APLP2: variants seen among roughly 807,000 people sequenced by gnomAD.
APLP2 encodes the protein amyloid beta precursor like protein 2, also known as CDEI box-binding protein.
APLP2 carries 53 observed loss-of-function variants against 89.9 expected under a neutral mutation model. The observed-to-expected ratio is 0.59, with a 90% CI of 0.47 to 0.74. The LOEUF is 0.74. Ranked by LOEUF, APLP2 falls within the 30% of genes least tolerant of loss-of-function variation. The probability of loss-of-function intolerance (pLI) is 0.00; values close to 1 mark genes in which losing one functional copy is unlikely to be tolerated. For missense variants in APLP2, 973 were observed against 975.9 expected, an observed-to-expected ratio of 1.00 and a Z score of 0.04; for synonymous variants, 372 against 348.6, an observed-to-expected ratio of 1.07 and a Z score of -0.75.
intron 13 of APLP2, among the ~76,000 whole-genome samples, chr11:130,138,463 GTTATGAGTTGGGACAATTTAAACA>G (rs933819450): frequency 6.6e-6 from 1 of 151,728 alleles, no homozygotes; most frequent in African/African-American, 2.4e-5. Flanking sequence ...GTACTGAACT[GTTATGAGTTGGGACAATTTAAACA>G]TTAACTTTGG....
At chr11:130,135,909 AT>A (rs1288487697) in intron 13 of APLP2, among the ~76,000 whole-genome samples, 194 bp downstream of exon 13, 2 of 152,174 alleles carry the variant, frequency 1.3e-5, no homozygotes, top group Admixed American at 1.3e-4. Flanking sequence ...ATTGGTGTCA[AT>A]GTCACCATGA....
intron 1 of APLP2, among the ~76,000 whole-genome samples, chr11:130,087,485 C>T (rs1025032682): frequency 6.6e-6 from 1 of 152,160 alleles, no homozygotes; most frequent in Admixed American, 6.5e-5. Context: ...GTGGTCTCTT[C>T]GAGGGGGCTG....
chr11:130,100,030 GA>G (rs1946699764), intron 1 of APLP2, among the ~76,000 whole-genome samples: 1 of 152,266 alleles, frequency 6.6e-6, no homozygotes, highest in Non-Finnish European at 1.5e-5. Context: ...CCCAATGCTT[GA>G]AGAGCGCTTC....
At position 130,135,624 on chromosome 11, in the gene APLP2, C is replaced by A. The variant is rs1951478523; in HGVS notation, c.1746C>A (p.Thr582=). The A allele has an allele frequency of 6.2e-7, 1 of 1,614,116 alleles. No individual in the cohort carries two copies. Among genetic ancestry groups the A allele is most frequent in the African/African-American group, 1.3e-5 (1 of 75,030 alleles). ...MDQFTASISE[T]PVDVRVSSEE... ...AGTTCACTGCCTCAATCTCAGAGAC[C>A]CCTGTGGACGTCCGGGTGAGCTCTG... is the stretch of plus-strand genomic sequence containing the variant. Residue 582 remains threonine (T), a synonymous_variant, in exon 13 of 17, where the codon ACC becomes ACA. Coordinates refer to ENST00000338167, the MANE Select transcript of APLP2 (RefSeq NM_001142276.2).
Position 130,141,821 on chromosome 11 carries a change from G to A in APLP2, c.1999-98G>A. On this transcript the variant is annotated intron_variant, in intron 15 of 16. Transcript: ENST00000338167. This position sits in a 1 kb window ranked among gnomAD's most constrained non-coding sequence, Gnocchi z 4.2. ...TCTTGGTGCTACTTTGGGTTTTAGG[G>A]GCTCGACCTTCCAGGAGCGTGGCCC... 1 of 1,455,890 alleles carries A rather than the reference G, an allele frequency of 6.9e-7. No homozygotes were observed. Among genetic ancestry groups the A allele is most frequent in the Non-Finnish European group, 9.3e-7 (1 of 1,073,480 alleles). The allele number at this position is 1,455,890 out of a possible 1,614,324, so 90.2% of individuals were successfully genotyped here.
intron 3 of APLP2, among the ~76,000 whole-genome samples, chr11:130,117,714 T>C (rs1359941293): frequency 6.6e-6 from 1 of 152,246 alleles, no homozygotes; most frequent in Non-Finnish European, 1.5e-5. Context: ...CCTGACCTTT[T>C]ACAGCTTGCT....
At chr11:130,122,127 T>C (rs1410860141) in intron 5 of APLP2, among the ~76,000 whole-genome samples, 178 bp from the exon 6 acceptor site, 5 of 152,246 alleles carry the variant, frequency 3.3e-5, no homozygotes, top group Admixed American at 6.5e-5. Flanking sequence ...ATTCAAATGT[T>C]CACAAATACT....
At chr11:130,080,910 G>A (rs1943036938) in intron 1 of APLP2, among the ~76,000 whole-genome samples, 1 of 151,410 alleles carries the variant, frequency 6.6e-6, no homozygotes, top group South Asian at 2.1e-4. Flanking sequence ...TGTTAGCCAG[G>A]ATGGTCTCAA....
chr11:130,089,550 G>A lies in APLP2; in HGVS notation c.105+19468G>A, dbSNP rs114404285. Among the ~76,000 whole-genome samples, 814 of 152,322 alleles carry A rather than the reference G, an allele frequency of 5.3e-3. 7 individuals carry two copies. Among genetic ancestry groups the A allele is most frequent in the African/African-American group, 0.019 (795 of 41,576 alleles). On this transcript the variant is annotated intron_variant, in intron 1 of 16. Coordinates refer to ENST00000338167, the MANE Select transcript of APLP2 (RefSeq NM_001142276.2). ...TTCTCTACATCTGGATCCTGTCTCA[G>A]AGTATATATGCTCCCTAAATACACA...
intron 13 of APLP2, among the ~76,000 whole-genome samples, chr11:130,136,948 A>T (rs562971966): frequency 1.3e-5 from 2 of 152,096 alleles, no homozygotes; most frequent in African/African-American, 2.4e-5. Context: ...TTCAATTTTC[A>T]CTTTTTTCTA....
In APLP2 at chr11:130,109,691, C is replaced by T. The variant is rs528433002; in HGVS notation, c.279+89C>T. The T allele has an allele frequency of 4.8e-5, 67 of 1,409,338 alleles. 1 individual carries two copies. The East Asian group carries it at 1.6e-3, about 34-fold the overall frequency. The allele number at this position is 1,409,338 out of a possible 1,614,324, so 87.3% of individuals were successfully genotyped here. On this transcript the variant is annotated intron_variant, in intron 2 of 16. Transcript: ENST00000338167. ...TTAGAAATAGATATTCTGTCATTCTCTTTTGACCTAAGACCAAGATGCTAA... is the reference window on the plus strand; with the variant it reads ...TTAGAAATAGATATTCTGTCATTCTTTTTTGACCTAAGACCAAGATGCTAA...
chr11:130,137,198 T>G (rs1390649836), intron 13 of APLP2: 1 of 1,502,738 alleles, frequency 6.7e-7, no homozygotes, highest in South Asian at 1.1e-5. Context: ...GCCATTTTCT[T>G]TTTTAATCTC....
intron 1 of APLP2, among the ~76,000 whole-genome samples, chr11:130,083,389 G>C (rs1049067411): frequency 6.6e-6 from 1 of 151,522 alleles, no homozygotes; most frequent in African/African-American, 2.4e-5. Context: ...TAAATTTTAA[G>C]TGCACAATGC....
intron 13 of APLP2, chr11:130,139,188 T>C (rs1275978559): frequency 6.6e-6 from 1 of 152,178 alleles, no homozygotes; most frequent in African/African-American, 2.4e-5. Flanking sequence ...TTTAGAAAAA[T>C]TGCATCATTT....
intron 1 of APLP2, among the ~76,000 whole-genome samples, chr11:130,084,841 T>C (rs1350289578): frequency 6.6e-6 from 1 of 151,202 alleles, no homozygotes; most frequent in East Asian, 1.9e-4. Context: ...GAAAACAGAA[T>C]AGAAAAAAAC....
chr11:130,075,942 C>A (rs1942049153), intron 1 of APLP2, among the ~76,000 whole-genome samples: 1 of 152,186 alleles, frequency 6.6e-6, no homozygotes, highest in Non-Finnish European at 1.5e-5. Context: ...CCATTGTAAA[C>A]CATATGGTTA....
Position 130,070,015 on chromosome 11 carries a change from G to A in APLP2, c.38G>A (p.Gly13Asp), listed in dbSNP as rs1940550845. The change falls in exon 1 of 17, where the codon GGC becomes GAC. Residue 13 changes from glycine (G) to aspartate (D), a missense_variant. Physicochemically the swap from Gly to Asp is moderately conservative, Grantham distance 94. Coordinates refer to ENST00000338167, the MANE Select transcript of APLP2 (RefSeq NM_001142276.2). ...GGGACCGCGGCCGCCGCAGCCACGG[G>A]CAGGCTCCTGCTTCTGCTGCTGGTG... The part of the protein sequence containing the change: ...ATGTAAAAAT[G>D]RLLLLLLVGL... 1.3e-6 allele frequency: 2 copies of A among 1,508,834 alleles called. No homozygotes were observed. Among genetic ancestry groups the A allele is most frequent in the African/African-American group, 1.4e-5 (1 of 69,854 alleles). The allele number at this position is 1,508,834 out of a possible 1,614,324, so 93.5% of individuals were successfully genotyped here. A position where few individuals can be genotyped will look rare whatever the true frequency, so the allele number is the denominator to read the frequency against.
chr11:130,122,155 G>T, intron 5 of APLP2, 150 bp from the exon 6 acceptor site: 1 of 914,630 alleles, frequency 1.1e-6, no homozygotes. Context: ...TGCTGATGTA[G>T]CTGGGCCCCA....
In APLP2 at chr11:130,133,745, T is replaced by G. The variant is rs781569579; in HGVS notation, c.1684+17T>G. 1.8e-5 allele frequency: 29 copies of G among 1,582,166 alleles called. No homozygotes were observed. The highest frequency in any genetic ancestry group is 2.5e-5 in the Non-Finnish European group (29 of 1,151,040). On this transcript the variant is annotated intron_variant, in intron 12 of 16. Transcript: ENST00000338167. Reference sequence around the variant, plus strand: ...AGGAAATTGGTGGGTACCAGCTCTTTGTGTCAAGGTCATACGGGACTTCTT... The same window carrying G: ...AGGAAATTGGTGGGTACCAGCTCTTGGTGTCAAGGTCATACGGGACTTCTT...
Sources: gnomAD v4.1 joint callset for allele counts (sites outside exome capture counted in the v4.1 genomes callset) on GRCh38, gnomAD v4.1.1 for gene constraint, Gnocchi (gnomAD v3.1) non-coding constraint, MANE v1.5 for transcripts, NCBI Gene and HGNC (gene_info 2026-07-23, HGNC 2026-07-21) for gene names.